KIAA0825: variants seen among roughly 807,000 people sequenced by gnomAD.
KIAA0825 encodes the protein uncharacterized protein KIAA0825.
A neutral mutation model predicts 147.6 loss-of-function variants in KIAA0825; 119 were observed. The ratio of observed to expected loss-of-function variants is 0.81; its 90% CI spans 0.69 to 0.94. The LOEUF is 0.94. KIAA0825 is among the 40% of genes least tolerant of loss of function. The pLI, the probability that KIAA0825 is intolerant of heterozygous loss-of-function variation, is 0.00. For missense variants in KIAA0825, 1,381 were observed against 1,472.7 expected (o/e 0.94, Z 1.02); for synonymous variants, 470 against 518.1 (o/e 0.91, Z 1.26).
chr5:94,233,500 G>C (rs1774854932), intron 20 of KIAA0825, among the ~76,000 whole-genome samples: 4 of 152,282 alleles, frequency 2.6e-5, no homozygotes, highest in Middle Eastern at 6.8e-3. Flanking sequence ...TAATTTTTAT[G>C]AAGATGGTAG....
At chr5:94,393,838 G>A (rs1366585368) in intron 17 of KIAA0825, among the ~76,000 whole-genome samples, 19 of 149,478 alleles carry the variant, frequency 1.3e-4, no homozygotes. Context: ...TCAAAGTCAA[G>A]AAGAAACACT....
At chr5:94,258,468 G>T (rs1583977233) in intron 20 of KIAA0825, among the ~76,000 whole-genome samples, 1 of 151,952 alleles carries the variant, frequency 6.6e-6, no homozygotes, top group East Asian at 1.9e-4. Context: ...GCCACTTGGA[G>T]AATAGATCTA....
At position 94,394,004 on chromosome 5, in the gene KIAA0825, A is replaced by G. The variant is rs1323612136; in HGVS notation, c.3296+2097T>C. On this transcript the variant is annotated intron_variant, in intron 17 of 20. Coordinates refer to ENST00000682413, the MANE Select transcript of KIAA0825 (RefSeq NM_001145678.3). ...TGGGATTACAGGTGCCTACCACCAC[A>G]CCCAGCTAATTTTTTTTTTGTATTT... is the stretch of plus-strand genomic sequence containing the variant. 2.1e-4 allele frequency among the ~76,000 whole-genome samples: 32 copies of G among 151,664 alleles called. 1 individual carries two copies. Among genetic ancestry groups the G allele is most frequent in the Admixed American group, 2.1e-3 (32 of 15,224 alleles).
intron 3 of KIAA0825, among the ~76,000 whole-genome samples, chr5:94,524,814 A>G (rs928759645): frequency 2.0e-5 from 3 of 151,854 alleles, no homozygotes; most frequent in Non-Finnish European, 4.4e-5. Context: ...TTCACCAAAA[A>G]AGTAAACCAA....
chr5:94,417,477 A>T, intron 14 of KIAA0825, 112 bp from the exon 15 acceptor site: 1 of 798,670 alleles, frequency 1.3e-6, no homozygotes. Context: ...GGTTTTTAAT[A>T]AGATTTACAT....
intron 20 of KIAA0825, among the ~76,000 whole-genome samples, chr5:94,312,128 A>G (rs954368079): frequency 2.0e-5 from 3 of 151,744 alleles, no homozygotes; most frequent in African/African-American, 7.2e-5. Flanking sequence ...AATATTCATA[A>G]CAATCAGTGT....
intron 5 of KIAA0825, among the ~76,000 whole-genome samples, chr5:94,497,636 T>C (rs974189797): frequency 3.2e-4 from 49 of 152,292 alleles, no homozygotes; most frequent in African/African-American, 1.2e-3. Context: ...TAATCCATAC[T>C]TTCAACTTTT....
At chr5:94,448,571 A>C (rs2150887792) in intron 13 of KIAA0825, among the ~76,000 whole-genome samples, 1 of 152,264 alleles carries the variant, frequency 6.6e-6, no homozygotes, top group African/African-American at 2.4e-5. Flanking sequence ...TAGATGAATA[A>C]ATTACTAAGT....
At chr5:94,569,566 G>T (rs192296094) in intron 2 of KIAA0825, 6 of 404,880 alleles carry the variant, frequency 1.5e-5, no homozygotes, top group Non-Finnish European at 2.7e-5. Context: ...AAACCAACTC[G>T]TTAATAAAAT....
chr5:94,519,267 T>C, intron 5 of KIAA0825: 1 of 896,482 alleles, frequency 1.1e-6, no homozygotes. Context: ...TAGTGAGCTA[T>C]AGGAATTTTA....
Position 94,453,062 on chromosome 5 carries a change from GA to G in KIAA0825, c.2253del (p.Gln752SerfsTer12). 6.7e-7 allele frequency: 1 copy of G among 1,502,354 alleles called. No homozygotes were observed. The highest frequency in any genetic ancestry group is 1.7e-4 in the Middle Eastern group (1 of 5,892). The allele number at this position is 1,502,354 out of a possible 1,614,324, so 93.1% of individuals were successfully genotyped here. ...TSPLTELYKT[F>X]QHGLDESASD... Reference sequence around the variant, plus strand: ...GAAGCAGACTCATCCAGGCCATGCTGAAAAGTCCTAGGGAAATACAAATAAT... The same window carrying G: ...GAAGCAGACTCATCCAGGCCATGCTGAAAGTCCTAGGGAAATACAAATAAT... On this transcript the variant is annotated frameshift_variant, in exon 13 of 21. Coordinates refer to ENST00000682413, the MANE Select transcript of KIAA0825 (RefSeq NM_001145678.3). LOFTEE classifies it high-confidence loss of function.
At chr5:94,592,219 G>A (rs1029909069) in intron 1 of KIAA0825, among the ~76,000 whole-genome samples, 2 of 152,104 alleles carry the variant, frequency 1.3e-5, no homozygotes, top group South Asian at 2.1e-4. Context: ...ACCTATGAGC[G>A]TATAAAATCA....
intron 7 of KIAA0825, among the ~76,000 whole-genome samples, chr5:94,476,441 GC>G (rs1332606567): frequency 1.3e-5 from 2 of 152,156 alleles, no homozygotes; most frequent in African/African-American, 4.8e-5. Flanking sequence ...AAGCAGACCT[GC>G]CAGGTAGAAC....
chr5:94,558,633 C>T (rs17083806), intron 2 of KIAA0825, among the ~76,000 whole-genome samples: 2,964 of 152,188 alleles, frequency 0.019, 124 homozygotes, highest in East Asian at 0.16. Context: ...CAATATTCAC[C>T]ACAGGGTTCT....
At chr5:94,416,960 T>TA (rs1169101107) in intron 15 of KIAA0825, 1 of 346,882 alleles carries the variant, frequency 2.9e-6, no homozygotes, top group Non-Finnish European at 5.3e-6. Context: ...CCCTAATTAA[T>TA]AAAAAAAGAA....
intron 14 of KIAA0825, among the ~76,000 whole-genome samples, chr5:94,417,568 G>A (rs558869460): frequency 6.6e-6 from 1 of 151,954 alleles, no homozygotes; most frequent in Admixed American, 6.6e-5. Flanking sequence ...GGATATTTAT[G>A]GAAAAAAACA....
In KIAA0825 at chr5:94,563,200, A is replaced by AAC. The variant is rs1158423816; in HGVS notation, c.-2+19232_-2+19233insGT. On this transcript the variant is annotated intron_variant, in intron 2 of 20. Transcript: ENST00000682413. ...ACTAAAAATACCAAAAAAAACAAAA[A>AAC]AAAAAAAATCAGCTGGGCGTGGTGG... is the stretch of plus-strand genomic sequence containing the variant. Among the ~76,000 whole-genome samples the AAC allele has an allele frequency of 1.7e-3, 240 of 141,992 alleles. 1 individual carries two copies. Among genetic ancestry groups the AAC allele is most frequent in the African/African-American group, 4.2e-3 (166 of 39,102 alleles). 93.2% of individuals were successfully genotyped at this position (141,992 alleles called of 152,430 possible). A position where few individuals can be genotyped will look rare whatever the true frequency, so the allele number is the denominator to read the frequency against.
Position 94,396,940 on chromosome 5 carries a change from C to A in KIAA0825, c.2888-431G>T, listed in dbSNP as rs547074465. Among the ~76,000 whole-genome samples the A allele has an allele frequency of 2.6e-5, 4 of 152,102 alleles. No homozygotes were observed. The East Asian group carries it at 7.8e-4, about 30-fold the overall frequency. On this transcript the variant is annotated intron_variant, in intron 16 of 20. Transcript: ENST00000682413. The stretch of plus-strand genomic sequence containing the variant: ...TCCTCAGGACTGGTTTCTCTCCTTT[C>A]AGTTCTCAACCCAAATGTGACCTCC...
intron 4 of KIAA0825, among the ~76,000 whole-genome samples, chr5:94,523,630 A>G (rs1198537529): frequency 6.6e-6 from 1 of 151,618 alleles, no homozygotes; most frequent in African/African-American, 2.4e-5. Context: ...GACAGCTGTG[A>G]TACACATCAA....
Sources: allele counts gnomAD v4.1 joint callset (sites outside exome capture counted in the v4.1 genomes callset), GRCh38; gene constraint gnomAD v4.1.1; transcripts MANE v1.5; gene names NCBI Gene and HGNC (gene_info 2026-07-23, HGNC 2026-07-21).